BRINP3: variants seen among roughly 807,000 people sequenced by gnomAD.
BRINP3 encodes BMP/retinoic acid-inducible neural-specific protein 3.
BRINP3 carries 19 observed loss-of-function variants against 71.0 expected under a neutral mutation model. The observed-to-expected ratio is 0.27, with a 90% CI of 0.19 to 0.39. The LOEUF is 0.39. Among genes scored for constraint, BRINP3 ranks in the 10% least tolerant of loss-of-function variants. The probability of loss-of-function intolerance (pLI) is 1.00; values close to 1 mark genes in which losing one functional copy is unlikely to be tolerated. For missense variants in BRINP3, 959 were observed against 940.8 expected (o/e 1.02, Z -0.25); for synonymous variants, 380 against 337.7 (o/e 1.13, Z -1.37).
At chr1:190,254,885 T>C (rs1053574333) in intron 4 of BRINP3, among the ~76,000 whole-genome samples, 2 of 152,210 alleles carry the variant, frequency 1.3e-5, no homozygotes, top group Non-Finnish European at 2.9e-5. Context: ...TTTTTGCCCA[T>C]TCAGTATGAT....
At chr1:190,104,135 C>A (rs769662153) in intron 7 of BRINP3, among the ~76,000 whole-genome samples, 1 of 151,930 alleles carries the variant, frequency 6.6e-6, no homozygotes, top group African/African-American at 2.4e-5. Flanking sequence ...CAGATGGAAG[C>A]ACTTAACAAC....
intron 4 of BRINP3, among the ~76,000 whole-genome samples, chr1:190,256,422 A>G (rs541688869): frequency 6.6e-6 from 1 of 152,260 alleles, no homozygotes; most frequent in East Asian, 1.9e-4. Flanking sequence ...GCACACTGAT[A>G]GGTCTTGACT....
chr1:190,252,069 T>C (rs1435691576), intron 4 of BRINP3, among the ~76,000 whole-genome samples: 1 of 152,082 alleles, frequency 6.6e-6, no homozygotes, highest in East Asian at 1.9e-4. Flanking sequence ...AGTCACTTTG[T>C]ATATAGTTTG....
In BRINP3 at chr1:190,454,892, C is replaced by T. The variant is rs1318448972; in HGVS notation, c.-2G>A. The T allele has an allele frequency of 1.2e-6, 2 of 1,612,634 alleles. No individual in the cohort carries two copies. Among genetic ancestry groups the T allele is most frequent in the Admixed American group, 1.7e-5 (1 of 59,964 alleles). ...ACCAGCTCTGCTTCGCCATATCATG[C>T]TTCCACTGGGGATTTAGAGCCTTCA... On this transcript the variant is annotated 5_prime_UTR_variant, in exon 2 of 8. Transcript: ENST00000367462.
At chr1:190,291,642 A>C (rs1371023098) in intron 2 of BRINP3, among the ~76,000 whole-genome samples, 1 of 152,184 alleles carries the variant, frequency 6.6e-6, no homozygotes, top group Non-Finnish European at 1.5e-5. Flanking sequence ...ACAATTAAAA[A>C]GACAAAAGTT....
chr1:190,345,207 A>G (rs1335234347), intron 2 of BRINP3, among the ~76,000 whole-genome samples: 2 of 151,840 alleles, frequency 1.3e-5, no homozygotes, highest in East Asian at 3.9e-4. Flanking sequence ...TCTCTATACC[A>G]TTCATAACCA....
At chr1:190,136,963 G>C (rs1268091420) in intron 7 of BRINP3, among the ~76,000 whole-genome samples, 1 of 151,882 alleles carries the variant, frequency 6.6e-6, no homozygotes, top group Non-Finnish European at 1.5e-5. Flanking sequence ...TTAAAAGCTG[G>C]GGTATGGTAA....
rs144692624 is a variant in BRINP3 at position 190,183,967 on chromosome 1, G to T, written c.962-23077C>A. Among the ~76,000 whole-genome samples, 652 of 152,196 alleles carry T rather than the reference G, an allele frequency of 4.3e-3. 2 individuals carry two copies. The highest frequency in any genetic ancestry group is 0.015 in the African/African-American group (623 of 41,538). On this transcript the variant is annotated intron_variant, in intron 6 of 7. Transcript: ENST00000367462. Reference sequence around the variant, plus strand: ...GCTAGGTTGCCACTTTCCTGATTCTGTGCCTAGAGAGAGCAGACTTTTCTT... The same window carrying T: ...GCTAGGTTGCCACTTTCCTGATTCTTTGCCTAGAGAGAGCAGACTTTTCTT...
At chr1:190,237,608 A>C (rs772964433) in intron 4 of BRINP3, among the ~76,000 whole-genome samples, 1 of 151,860 alleles carries the variant, frequency 6.6e-6, no homozygotes, top group Non-Finnish European at 1.5e-5. Context: ...TGTTTCCCCT[A>C]TCCTTTTGCC....
chr1:190,277,534 T>C lies in BRINP3; in HGVS notation c.427+4026A>G, dbSNP rs1005528490. 2.6e-5 allele frequency among the ~76,000 whole-genome samples: 4 copies of C among 151,676 alleles called. No individual in the cohort carries two copies. In the South Asian group the frequency reaches 8.3e-4, roughly 31 times the overall value. On this transcript the variant is annotated intron_variant, in intron 3 of 7. Coordinates refer to ENST00000367462, the MANE Select transcript of BRINP3 (RefSeq NM_199051.3). Reference sequence around the variant, plus strand: ...ATATTTTGGTCTCTATGTTCCTTAGTGTTTTGTCTTTTAAAATTGATCCAG... The same window carrying C: ...ATATTTTGGTCTCTATGTTCCTTAGCGTTTTGTCTTTTAAAATTGATCCAG...
At chr1:190,270,137 A>G (rs1661983117) in intron 3 of BRINP3, among the ~76,000 whole-genome samples, 1 of 151,866 alleles carries the variant, frequency 6.6e-6, no homozygotes, top group Non-Finnish European at 1.5e-5. Context: ...AGATATATGT[A>G]TTTGTTTCTT....
intron 2 of BRINP3, among the ~76,000 whole-genome samples, chr1:190,436,745 G>A (rs1409805455): frequency 6.6e-6 from 1 of 151,700 alleles, no homozygotes; most frequent in Admixed American, 6.6e-5. Context: ...AGACTCAATT[G>A]ACTCAATTGA....
intron 7 of BRINP3, among the ~76,000 whole-genome samples, chr1:190,124,796 T>A (rs1045317045): frequency 5.3e-5 from 8 of 152,028 alleles, no homozygotes; most frequent in Admixed American, 1.3e-4. Context: ...CCTATACAAG[T>A]AGTATACATT....
chr1:190,352,885 C>T (rs992856069), intron 2 of BRINP3, among the ~76,000 whole-genome samples: 3 of 151,658 alleles, frequency 2.0e-5, no homozygotes, highest in African/African-American at 7.3e-5. Flanking sequence ...ATGTCTCTCT[C>T]ACACATGCAT....
chr1:190,414,751 A>G (rs1026214480), intron 2 of BRINP3, among the ~76,000 whole-genome samples: 1 of 152,206 alleles, frequency 6.6e-6, no homozygotes, highest in Non-Finnish European at 1.5e-5. Flanking sequence ...CAATGTTACT[A>G]AGGCAGAGGG....
At chr1:190,446,881 A>G (rs1234075264) in intron 2 of BRINP3, among the ~76,000 whole-genome samples, 2 of 152,086 alleles carry the variant, frequency 1.3e-5, no homozygotes, top group Non-Finnish European at 2.9e-5. Context: ...GCATATCCAA[A>G]TGCAAAGCCA....
At chr1:190,115,686 A>T (rs1653073261) in intron 7 of BRINP3, among the ~76,000 whole-genome samples, 1 of 152,120 alleles carries the variant, frequency 6.6e-6, no homozygotes, top group Admixed American at 6.6e-5. Context: ...GGATACAGAG[A>T]TATGGAGAAG....
chr1:190,240,897 A>C lies in BRINP3; in HGVS notation c.619-6420T>G, dbSNP rs1014128759. On this transcript the variant is annotated intron_variant, in intron 4 of 7. Coordinates refer to ENST00000367462, the MANE Select transcript of BRINP3 (RefSeq NM_199051.3). ...CAAAAAAAAAAAAAAAAAAAAAAAA[A>C]AAACCACCCTCAAGGTATTCTCAGA... 8.5e-4 allele frequency among the ~76,000 whole-genome samples: 127 copies of C among 149,842 alleles called. 1 individual carries two copies. Among genetic ancestry groups the C allele is most frequent in the Non-Finnish European group, 3.1e-4 (21 of 67,434 alleles).
chr1:190,322,046 G>A (rs1402441568), intron 2 of BRINP3, among the ~76,000 whole-genome samples: 1 of 151,700 alleles, frequency 6.6e-6, no homozygotes, highest in Non-Finnish European at 1.5e-5. Flanking sequence ...ATATATATGT[G>A]TGCATATATA....
Sources: gnomAD v4.1 joint callset for allele counts (sites outside exome capture counted in the v4.1 genomes callset) on GRCh38, gnomAD v4.1.1 for gene constraint, MANE v1.5 for transcripts, NCBI Gene and HGNC (gene_info 2026-07-23, HGNC 2026-07-21) for gene names.